The following PARD3B variants were observed in gnomAD, a reference collection of about 807,000 sequenced individuals.
PARD3B encodes the protein partitioning defective 3 homolog B.
A neutral mutation model predicts 130.2 loss-of-function variants in PARD3B; 103 were observed. That is an observed-to-expected ratio of 0.79 (90% confidence interval 0.67 to 0.93). PARD3B has a LOEUF of 0.93. PARD3B is among the 40% of genes least tolerant of loss of function. The pLI is 0.00. For missense variants in PARD3B, 1,609 were observed against 1,499.2 expected (o/e 1.07, Z -1.21); for synonymous variants, 583 against 553.2 (o/e 1.05, Z -0.76).
At position 205,440,250 on chromosome 2, in the gene PARD3B, G is replaced by A. The variant is rs1444300821; in HGVS notation, c.2742-120G>A. On this transcript the variant is annotated intron_variant, in intron 19 of 22. Transcript: ENST00000406610. The surrounding 1 kb of genome is among the most constrained non-coding windows in gnomAD (Gnocchi z 4.2). The stretch of plus-strand genomic sequence containing the variant: ...GCATTTCTGCATGCTGTGATCTTGA[G>A]TAAACAGGAGAATGACAGCTAAGAG... The A allele has an allele frequency of 1.2e-5, 12 of 980,962 alleles. No homozygotes were observed. The highest frequency in any genetic ancestry group is 1.7e-5 in the Non-Finnish European group (11 of 664,384). 60.8% of individuals were successfully genotyped at this position (980,962 alleles called of 1,614,324 possible). A position where few individuals can be genotyped will look rare whatever the true frequency, so the allele number is the denominator to read the frequency against.
At chr2:204,556,550 T>C (rs2030936023) in intron 1 of PARD3B, among the ~76,000 whole-genome samples, 1 of 152,050 alleles carries the variant, frequency 6.6e-6, no homozygotes, top group South Asian at 2.1e-4. Flanking sequence ...ACGAGAAAAG[T>C]GAGATAAGAC....
At chr2:204,550,786 C>G (rs552041997) in intron 1 of PARD3B, among the ~76,000 whole-genome samples, 1 of 152,080 alleles carries the variant, frequency 6.6e-6, no homozygotes, top group Non-Finnish European at 1.5e-5. Context: ...ACTGTGGGAT[C>G]GGAATCTAAG....
chr2:205,086,761 T>C (rs1701766056), intron 4 of PARD3B, among the ~76,000 whole-genome samples: 1 of 152,192 alleles, frequency 6.6e-6, no homozygotes, highest in Non-Finnish European at 1.5e-5. Context: ...GCCAGCCCCC[T>C]GCTCCACCAC....
intron 4 of PARD3B, among the ~76,000 whole-genome samples, chr2:205,053,571 C>G (rs112478732): frequency 0.065 from 9,764 of 151,024 alleles, 343 homozygotes; most frequent in Middle Eastern, 0.18. Context: ...ACCTGGGAGG[C>G]AGAGGTTCCA....
intron 22 of PARD3B, among the ~76,000 whole-genome samples, chr2:205,561,367 T>G (rs1383446264): frequency 6.6e-6 from 1 of 152,036 alleles, no homozygotes; most frequent in Non-Finnish European, 1.5e-5. Context: ...ATCCAAAGAG[T>G]TCAATGAAAA....
chr2:205,378,177 G>T (rs896522893), intron 18 of PARD3B, among the ~76,000 whole-genome samples: 1 of 152,214 alleles, frequency 6.6e-6, no homozygotes, highest in Non-Finnish European at 1.5e-5. Context: ...CTTTGCAGGG[G>T]GACCAAGGGT....
At chr2:204,791,036 C>G (rs1177170891) in intron 2 of PARD3B, among the ~76,000 whole-genome samples, 1 of 151,882 alleles carries the variant, frequency 6.6e-6, no homozygotes, top group Non-Finnish European at 1.5e-5. Context: ...ACCCGGGAAG[C>G]AGAGGTTGCT....
At chr2:204,563,243 C>A (rs1427387613) in intron 1 of PARD3B, among the ~76,000 whole-genome samples, 2 of 148,736 alleles carry the variant, frequency 1.3e-5, no homozygotes, top group Non-Finnish European at 3.0e-5. Flanking sequence ...CTCTCTCTCT[C>A]TCTCTCTCTC....
chr2:205,552,464 A>T (rs1007120273), intron 21 of PARD3B, among the ~76,000 whole-genome samples: 1 of 152,202 alleles, frequency 6.6e-6, no homozygotes, highest in Non-Finnish European at 1.5e-5. Flanking sequence ...ACTGGAGTGC[A>T]GTGGCGTGAT....
intron 2 of PARD3B, among the ~76,000 whole-genome samples, chr2:204,792,874 A>G (rs2042244304): frequency 6.6e-6 from 1 of 151,614 alleles, no homozygotes; most frequent in Admixed American, 6.6e-5. Flanking sequence ...AATCTGGGTT[A>G]CTGAACATAA....
chr2:205,520,060 C>G (rs930831443), intron 21 of PARD3B, among the ~76,000 whole-genome samples: 30 of 152,162 alleles, frequency 2.0e-4, no homozygotes, highest in Admixed American at 1.0e-3. Context: ...GGACTGCCCA[C>G]TGCTGCTCTG....
At chr2:204,786,310 T>C (rs927473041) in intron 2 of PARD3B, among the ~76,000 whole-genome samples, 1 of 152,108 alleles carries the variant, frequency 6.6e-6, no homozygotes, top group Non-Finnish European at 1.5e-5. Context: ...TTATGTAGAC[T>C]TAATTTCCTA....
chr2:205,055,874 C>A (rs1043557329), intron 4 of PARD3B, among the ~76,000 whole-genome samples: 25 of 152,084 alleles, frequency 1.6e-4, no homozygotes, highest in Non-Finnish European at 2.9e-4. Context: ...ATGCCACACA[C>A]ACAAAGGCAG....
In PARD3B at chr2:204,887,052, C is replaced by T. The variant is rs1372514044; in HGVS notation, c.223-78100C>T. Among the ~76,000 whole-genome samples, 1 of 152,100 alleles carries T rather than the reference C, an allele frequency of 6.6e-6. No individual in the cohort carries two copies. Among genetic ancestry groups the T allele is most frequent in the Non-Finnish European group, 1.5e-5 (1 of 67,990 alleles). On this transcript the variant is annotated intron_variant, in intron 2 of 22. Coordinates refer to ENST00000406610, the MANE Select transcript of PARD3B (RefSeq NM_001302769.2). This position sits in a 1 kb window ranked among gnomAD's most constrained non-coding sequence, Gnocchi z 4.2. ...AACCCTTTGAGGCATTTTTTTAAATCAGTTTTTTTTAATCAGCTTTTAGTT... is the reference window on the plus strand; with the variant it reads ...AACCCTTTGAGGCATTTTTTTAAATTAGTTTTTTTTAATCAGCTTTTAGTT...
intron 2 of PARD3B, among the ~76,000 whole-genome samples, chr2:204,694,491 T>A (rs777188687): frequency 3.3e-5 from 5 of 152,090 alleles, no homozygotes; most frequent in Non-Finnish European, 7.4e-5. Context: ...AGTTCAGTGT[T>A]TCATAAACAT....
intron 15 of PARD3B, among the ~76,000 whole-genome samples, chr2:205,195,863 A>G (rs897439617): frequency 6.6e-6 from 1 of 152,072 alleles, no homozygotes; most frequent in Non-Finnish European, 1.5e-5. Context: ...TACATAATTA[A>G]TTTATATTGG....
At chr2:205,088,834 G>A (rs570809384) in intron 4 of PARD3B, among the ~76,000 whole-genome samples, 174 of 148,302 alleles carry the variant, frequency 1.2e-3, no homozygotes, top group African/African-American at 3.2e-3. Context: ...TTGCTTTGTC[G>A]TCAGGCTGGA....
At chr2:204,815,653 G>T (rs2043118608) in intron 2 of PARD3B, among the ~76,000 whole-genome samples, 1 of 151,846 alleles carries the variant, frequency 6.6e-6, no homozygotes, top group African/African-American at 2.4e-5. Flanking sequence ...CATTTATTCT[G>T]TGCTATTAGT....
At chr2:205,213,808 TAAA>T (rs2037771540) in intron 15 of PARD3B, among the ~76,000 whole-genome samples, 1 of 152,002 alleles carries the variant, frequency 6.6e-6, no homozygotes, top group Non-Finnish European at 1.5e-5. Flanking sequence ...ACACAGGAAA[TAAA>T]GAAGGTCAAA....
Sources: allele counts gnomAD v4.1 joint callset (sites outside exome capture counted in the v4.1 genomes callset), GRCh38; gene constraint gnomAD v4.1.1; non-coding constraint Gnocchi (gnomAD v3.1); transcripts MANE v1.5; gene names NCBI Gene and HGNC (gene_info 2026-07-23, HGNC 2026-07-21).